Variants in RSPO2 observed in about 807,000 individuals in gnomAD.
RSPO2 encodes the protein R-spondin-2.
A neutral mutation model predicts 30.9 loss-of-function variants in RSPO2; 14 were observed. The observed-to-expected ratio is 0.45, with a 90% CI of 0.30 to 0.71. RSPO2 has a LOEUF of 0.71. Ranked by LOEUF, RSPO2 falls within the 30% of genes least tolerant of loss-of-function variation. RSPO2 has a pLI of 0.08. For missense variants in RSPO2, 264 were observed against 301.9 expected (o/e 0.87, Z 0.93); for synonymous variants, 107 against 96.4 (o/e 1.11, Z -0.64).
At chr8:108,055,171 A>T (rs967483091) in intron 2 of RSPO2, among the ~76,000 whole-genome samples, 1 of 152,198 alleles carries the variant, frequency 6.6e-6, no homozygotes, top group East Asian at 1.9e-4. Context: ...CTTTAGATAC[A>T]GTTACTGTGA....
intron 2 of RSPO2, among the ~76,000 whole-genome samples, chr8:108,053,010 G>A (rs1812122683): frequency 6.6e-6 from 1 of 152,120 alleles, no homozygotes; most frequent in Non-Finnish European, 1.5e-5. Context: ...AGTTGTTAGT[G>A]CTAACCTAGG....
chr8:107,988,939 T>C (rs1404761060), intron 3 of RSPO2, 117 bp downstream of exon 3: 1 of 958,848 alleles, frequency 1.0e-6, no homozygotes, highest in African/African-American at 1.7e-5. Context: ...GCTTAAACTA[T>C]TTCTATCACC....
intron 2 of RSPO2, among the ~76,000 whole-genome samples, chr8:108,049,062 A>G (rs1811993873): frequency 6.6e-6 from 1 of 151,690 alleles, no homozygotes; most frequent in Non-Finnish European, 1.5e-5. Context: ...GTTCTTTTAC[A>G]TTTGCTGAGA....
chr8:108,068,558 C>G (rs73309358), intron 2 of RSPO2, among the ~76,000 whole-genome samples: 4,189 of 152,208 alleles, frequency 0.028, 171 homozygotes, highest in African/African-American at 0.087. Context: ...GCATTGTGTA[C>G]TCAAAGAAGA....
At chr8:107,919,902 G>A (rs1449347534) in intron 5 of RSPO2, among the ~76,000 whole-genome samples, 3 of 152,122 alleles carry the variant, frequency 2.0e-5, no homozygotes, top group African/African-American at 7.2e-5. Context: ...AAGTTTATGA[G>A]TCAAAACGAA....
chr8:108,047,191 TC>T (rs1256638771), intron 2 of RSPO2, among the ~76,000 whole-genome samples: 1 of 152,204 alleles, frequency 6.6e-6, no homozygotes, highest in Non-Finnish European at 1.5e-5. Context: ...ATACTTGTTA[TC>T]AGTATTATCC....
chr8:108,066,913 G>C (rs1010386075), intron 2 of RSPO2, among the ~76,000 whole-genome samples: 4 of 152,100 alleles, frequency 2.6e-5, no homozygotes, highest in African/African-American at 4.8e-5. Context: ...GTGCCTCCTG[G>C]TGTGATGTAA....
At chr8:107,927,572 T>C (rs1189234875) in intron 5 of RSPO2, among the ~76,000 whole-genome samples, 1 of 152,212 alleles carries the variant, frequency 6.6e-6, no homozygotes, top group African/African-American at 2.4e-5. Flanking sequence ...ATACGTCCCA[T>C]CAATACCTAA....
chr8:108,078,673 T>A (rs1813089712), intron 2 of RSPO2, among the ~76,000 whole-genome samples: 1 of 152,200 alleles, frequency 6.6e-6, no homozygotes, highest in East Asian at 1.9e-4. Flanking sequence ...AAACCCTTCC[T>A]TTTTATGGAA....
At chr8:108,028,034 A>G (rs923288077) in intron 2 of RSPO2, among the ~76,000 whole-genome samples, 1 of 152,076 alleles carries the variant, frequency 6.6e-6, no homozygotes, top group African/African-American at 2.4e-5. Context: ...CTACCACTCA[A>G]CGAATGGGAG....
chr8:107,947,427 AAAAAAG>A (rs1396793782), intron 5 of RSPO2, among the ~76,000 whole-genome samples: 1 of 152,178 alleles, frequency 6.6e-6, no homozygotes, highest in Non-Finnish European at 1.5e-5. Context: ...CTAGATTTCA[AAAAAAG>A]AAAAAGAAAA....
intron 5 of RSPO2, among the ~76,000 whole-genome samples, chr8:107,946,547 A>G (rs1009153312): frequency 6.6e-6 from 1 of 152,232 alleles, no homozygotes; most frequent in Non-Finnish European, 1.5e-5. Flanking sequence ...TCTGAATCAT[A>G]GTTGAAGCCA....
intron 5 of RSPO2, among the ~76,000 whole-genome samples, chr8:107,932,108 TAA>T (rs1053351883): frequency 7.2e-5 from 11 of 152,256 alleles, no homozygotes; most frequent in Admixed American, 3.3e-4. Context: ...CAGAAGAAGT[TAA>T]AGATTATAAT....
chr8:107,911,110 C>A (rs505461), intron 5 of RSPO2, among the ~76,000 whole-genome samples: 1 of 152,054 alleles, frequency 6.6e-6, no homozygotes, highest in Admixed American at 6.5e-5. Flanking sequence ...TTCCTAGGCT[C>A]CCCCACGGCT....
intron 2 of RSPO2, among the ~76,000 whole-genome samples, chr8:108,012,243 A>G (rs1261385908): frequency 6.6e-6 from 1 of 152,232 alleles, no homozygotes; most frequent in African/African-American, 2.4e-5. Flanking sequence ...GTCTTGCTAT[A>G]CAAAACATGG....
At chr8:107,955,847 A>G (rs141978843) in intron 5 of RSPO2, among the ~76,000 whole-genome samples, 2 of 152,354 alleles carry the variant, frequency 1.3e-5, no homozygotes, top group Non-Finnish European at 2.9e-5. Context: ...TGGCTTCAAC[A>G]GGAGAAAAAT....
At chr8:108,002,951 G>A (rs1815298286) in intron 2 of RSPO2, among the ~76,000 whole-genome samples, 1 of 151,794 alleles carries the variant, frequency 6.6e-6, no homozygotes, top group Non-Finnish European at 1.5e-5. Context: ...AAAAAAGTCA[G>A]TTTTCTACAA....
intron 5 of RSPO2, among the ~76,000 whole-genome samples, chr8:107,934,850 T>C (rs1359733966): frequency 6.6e-6 from 1 of 152,242 alleles, no homozygotes; most frequent in Admixed American, 6.5e-5. Context: ...CATGGACATT[T>C]ATCACTTCCC....
At chr8:108,063,828 G>A (rs1812561628) in intron 2 of RSPO2, among the ~76,000 whole-genome samples, 1 of 152,154 alleles carries the variant, frequency 6.6e-6, no homozygotes, top group African/African-American at 2.4e-5. Flanking sequence ...TATCAAAACA[G>A]AGATATAGAC....
Sources: allele counts gnomAD v4.1 joint callset (sites outside exome capture counted in the v4.1 genomes callset), GRCh38; gene constraint gnomAD v4.1.1; transcripts MANE v1.5; gene names NCBI Gene and HGNC (gene_info 2026-07-23, HGNC 2026-07-21).